Variants in CAST observed in about 807,000 individuals in gnomAD.
The protein encoded by CAST is calpastatin, also known as MIR583 host.
CAST carries 76 observed loss-of-function variants against 119.6 expected under a neutral mutation model. That is an observed-to-expected ratio of 0.64 (90% CI 0.53 to 0.77). The LOEUF is 0.77. Among genes scored for constraint, CAST ranks in the 30% least tolerant of loss-of-function variants. The probability of loss-of-function intolerance (pLI) is 0.00; values close to 1 mark genes in which losing one functional copy is unlikely to be tolerated. For synonymous variants in CAST, 319 were observed against 331.6 expected, an observed-to-expected ratio of 0.96 and a Z score of 0.41; for missense variants, 953 against 946.5, an observed-to-expected ratio of 1.01 and a Z score of -0.09.
chr5:96,459,755 A>G, the CAST span, among the ~76,000 whole-genome samples: 1 of 152,208 alleles, frequency 6.6e-6, no homozygotes, highest in Non-Finnish European at 1.5e-5. Context: ...CTGCTTACTA[A>G]TAGAACATAT....
the CAST span, among the ~76,000 whole-genome samples, chr5:96,016,837 T>G: frequency 4.7e-4 from 67 of 142,542 alleles, 1 homozygote; most frequent in East Asian, 0.013. Flanking sequence ...GGGTTTTTTT[T>G]TTTTTTTTTT....
chr5:96,664,205 C>T (rs765419126), intron 1 of CAST, among the ~76,000 whole-genome samples: 2 of 151,688 alleles, frequency 1.3e-5, no homozygotes, highest in East Asian at 3.9e-4. Flanking sequence ...TTATATCCCA[C>T]AAGTAGTGTT....
At chr5:96,605,686 AACAGATGAG>A (rs1391086074) in intron 1 of CAST, among the ~76,000 whole-genome samples, 1 of 151,822 alleles carries the variant, frequency 6.6e-6, no homozygotes, top group East Asian at 1.9e-4. Context: ...AGTCCAAACA[AACAGATGAG>A]AGTTTTGTGA....
chr5:96,641,552 A>C (rs972121310), intron 1 of CAST, among the ~76,000 whole-genome samples: 1 of 152,182 alleles, frequency 6.6e-6, no homozygotes, highest in Non-Finnish European at 1.5e-5. Context: ...ATGGTTTCCC[A>C]ATGCCAAGAG....
chr5:95,997,746 C>T, the CAST span, among the ~76,000 whole-genome samples: 6 of 152,062 alleles, frequency 3.9e-5, no homozygotes, highest in Non-Finnish European at 7.4e-5. Flanking sequence ...CCAACCTGCT[C>T]CAGTAGGATC....
At chr5:96,771,801 T>C (rs1581470518) in intron 31 of CAST, 99 bp downstream of exon 31, 1 of 709,990 alleles carries the variant, frequency 1.4e-6, no homozygotes, top group Non-Finnish European at 2.5e-6. Flanking sequence ...GAGTAATTCA[T>C]GCTCACTTTA....
At chr5:96,367,842 G>A in the CAST span, among the ~76,000 whole-genome samples, 1 of 151,968 alleles carries the variant, frequency 6.6e-6, no homozygotes, top group African/African-American at 2.4e-5. Flanking sequence ...TGCACCCACT[G>A]TCGGAAAAGC....
the CAST span, among the ~76,000 whole-genome samples, chr5:96,501,418 G>A: frequency 6.6e-6 from 1 of 151,920 alleles, no homozygotes; most frequent in Admixed American, 6.6e-5. Flanking sequence ...AAAAACTTGT[G>A]GAACAACGTT....
the CAST span, among the ~76,000 whole-genome samples, chr5:96,365,380 G>A: frequency 6.6e-6 from 1 of 152,120 alleles, no homozygotes; most frequent in African/African-American, 2.4e-5. Context: ...AGATATCCTT[G>A]TTAACTTTCT....
intron 2 of CAST, among the ~76,000 whole-genome samples, chr5:96,677,034 CAA>C (rs567872750): frequency 1.2e-4 from 12 of 99,368 alleles, no homozygotes; most frequent in Admixed American, 2.1e-4. Context: ...AGCTGGGTGA[CAA>C]AAAAAAAAAA....
chr5:96,147,014 A>C, the CAST span, among the ~76,000 whole-genome samples: 10 of 152,304 alleles, frequency 6.6e-5, no homozygotes, highest in Admixed American at 6.5e-4. Flanking sequence ...GAAATGTAGG[A>C]GCGCACATGG....
intron 1 of CAST, among the ~76,000 whole-genome samples, chr5:96,568,195 G>A (rs1008064036): frequency 2.6e-5 from 4 of 152,102 alleles, no homozygotes; most frequent in Non-Finnish European, 5.9e-5. Flanking sequence ...GAAAGTTGGT[G>A]GATTGCTTAA....
At chr5:96,401,760 G>A in the CAST span, among the ~76,000 whole-genome samples, 43,706 of 151,914 alleles carry the variant, frequency 0.29, 7,376 homozygotes, top group Admixed American at 0.42. Flanking sequence ...TCTCTCCCTG[G>A]TTCTAATTTA....
chr5:96,380,642 G>A, the CAST span, among the ~76,000 whole-genome samples: 3 of 152,152 alleles, frequency 2.0e-5, no homozygotes, highest in Admixed American at 1.3e-4. Context: ...CAGTGATGAA[G>A]TTTGAGCTTT....
the CAST span, among the ~76,000 whole-genome samples, chr5:96,273,321 C>T: frequency 6.6e-6 from 1 of 152,174 alleles, no homozygotes; most frequent in South Asian, 2.1e-4. Flanking sequence ...AGCTTGTTAA[C>T]CTAGCCAAGA....
the CAST span, among the ~76,000 whole-genome samples, chr5:96,369,031 G>A: frequency 1.9e-4 from 29 of 151,812 alleles, no homozygotes; most frequent in Admixed American, 2.6e-4. Context: ...CTCAATAATC[G>A]CTTCAATTAT....
At chr5:95,999,221 G>C in the CAST span, among the ~76,000 whole-genome samples, 8 of 152,008 alleles carry the variant, frequency 5.3e-5, no homozygotes, top group Admixed American at 3.3e-4. Context: ...AATATAAATG[G>C]AATTATGTGA....
At chr5:96,274,588 C>G in the CAST span, among the ~76,000 whole-genome samples, 1 of 152,156 alleles carries the variant, frequency 6.6e-6, no homozygotes, top group Non-Finnish European at 1.5e-5. Context: ...TAAAGTTGCC[C>G]TTAGGCCTCA....
At chr5:96,179,230 C>T in the CAST span, among the ~76,000 whole-genome samples, 1 of 152,080 alleles carries the variant, frequency 6.6e-6, no homozygotes, top group African/African-American at 2.4e-5. Context: ...CTCTCCATTG[C>T]GTTCAGGAAA....
Sources: allele counts gnomAD v4.1 joint callset (sites outside exome capture counted in the v4.1 genomes callset), GRCh38; gene constraint gnomAD v4.1.1; transcripts MANE v1.5; gene names NCBI Gene and HGNC (gene_info 2026-07-23, HGNC 2026-07-21).